Variants in B3GALT1 observed in about 807,000 individuals in gnomAD.
B3GALT1 encodes UDP-Gal:betaGlcNAc beta 1,3-galactosyltransferase, polypeptide 1.
B3GALT1 carries 10 observed loss-of-function variants against 23.2 expected under a neutral mutation model. The observed-to-expected ratio is 0.43, with a 90% CI of 0.27 to 0.73. The LOEUF (loss-of-function observed/expected upper bound fraction) is 0.73, where lower values mean the gene tolerates loss of function less well. B3GALT1 is among the 30% of genes least tolerant of loss of function. The pLI is 0.21. For synonymous variants in B3GALT1, 156 were observed against 141.5 expected, an observed-to-expected ratio of 1.10 and a Z score of -0.73; for missense variants, 299 against 405.4, an observed-to-expected ratio of 0.74 and a Z score of 2.25.
intron 2 of B3GALT1, among the ~76,000 whole-genome samples, chr2:167,524,751 A>G (rs1380699066): frequency 1.3e-5 from 2 of 152,214 alleles, no homozygotes; most frequent in African/African-American, 4.8e-5. Flanking sequence ...TTTGCAAGAG[A>G]GAGGCAGAGA....
intron 3 of B3GALT1, chr2:167,814,893 G>A (rs1688964520): frequency 1.3e-5 from 2 of 152,224 alleles, no homozygotes; most frequent in South Asian, 2.1e-4. Flanking sequence ...AGAACCCCTG[G>A]TTTCTAGCAT....
chr2:167,533,339 G>GT (rs34623419), intron 2 of B3GALT1, among the ~76,000 whole-genome samples: 57,346 of 151,080 alleles, frequency 0.38, 11,780 homozygotes, highest in East Asian at 0.81. Flanking sequence ...TTTTCTGAGA[G>GT]TTTTTTTTTA....
chr2:167,325,048 G>A (rs925516156), intron 1 of B3GALT1, among the ~76,000 whole-genome samples: 2 of 151,986 alleles, frequency 1.3e-5, no homozygotes, highest in Admixed American at 1.3e-4. Context: ...CAAATGACAC[G>A]ATTTCATTCT....
intron 2 of B3GALT1, among the ~76,000 whole-genome samples, chr2:167,556,339 A>C (rs778217796): frequency 2.0e-5 from 3 of 152,170 alleles, no homozygotes; most frequent in Non-Finnish European, 4.4e-5. Flanking sequence ...GGACTAAAGC[A>C]CTTTACAATA....
In B3GALT1 at chr2:167,526,973, A is replaced by C. The variant is rs1490589768; in HGVS notation, c.-410+36696A>C. Among the ~76,000 whole-genome samples the C allele has an allele frequency of 2.6e-5, 4 of 152,168 alleles. No homozygotes were observed. The East Asian group carries it at 7.7e-4, about 29-fold the overall frequency. On this transcript the variant is annotated intron_variant, in intron 2 of 4. Coordinates refer to ENST00000392690, the MANE Select transcript of B3GALT1 (RefSeq NM_020981.4). ...ATTTGCATTCAACTATATCACTAATATATACCGTATATACTGTTCCTAATT... is the reference window on the plus strand; with the variant it reads ...ATTTGCATTCAACTATATCACTAATCTATACCGTATATACTGTTCCTAATT...
intron 1 of B3GALT1, among the ~76,000 whole-genome samples, chr2:167,376,201 G>C (rs902364875): frequency 1.3e-5 from 2 of 152,264 alleles, no homozygotes; most frequent in Admixed American, 1.3e-4. Flanking sequence ...AAATCTACTT[G>C]ATCATTGTGA....
chr2:167,707,330 G>A (rs1421301711), intron 3 of B3GALT1, among the ~76,000 whole-genome samples: 1 of 151,958 alleles, frequency 6.6e-6, no homozygotes, highest in East Asian at 1.9e-4. Flanking sequence ...CAATAGATAA[G>A]TATTGACAGA....
chr2:167,580,639 C>G (rs1347763438), intron 2 of B3GALT1, among the ~76,000 whole-genome samples: 3 of 152,068 alleles, frequency 2.0e-5, no homozygotes, highest in African/African-American at 7.2e-5. Flanking sequence ...TATCAATAAG[C>G]TTTTGGAAAT....
chr2:167,519,627 A>G (rs1006496656), intron 2 of B3GALT1, among the ~76,000 whole-genome samples: 5 of 152,214 alleles, frequency 3.3e-5, no homozygotes, highest in Non-Finnish European at 7.3e-5. Context: ...TAATAACTCT[A>G]TAGCATTTTT....
At chr2:167,479,661 C>T (rs1020764620) in intron 1 of B3GALT1, among the ~76,000 whole-genome samples, 1 of 152,126 alleles carries the variant, frequency 6.6e-6, no homozygotes, top group Non-Finnish European at 1.5e-5. Context: ...CCTCCTATCT[C>T]AAAGTGATCC....
chr2:167,590,256 G>A (rs1264286204), intron 2 of B3GALT1, among the ~76,000 whole-genome samples: 1 of 148,898 alleles, frequency 6.7e-6, no homozygotes, highest in Non-Finnish European at 1.5e-5. Flanking sequence ...TGAAGCAGGA[G>A]AATGGTGTGA....
intron 1 of B3GALT1, among the ~76,000 whole-genome samples, chr2:167,476,864 C>T (rs571968005): frequency 1.3e-5 from 2 of 152,244 alleles, no homozygotes; most frequent in African/African-American, 4.8e-5. Context: ...AGGGGGATCA[C>T]CAAATGTGAA....
At chr2:167,694,094 A>G (rs1225977665) in intron 3 of B3GALT1, among the ~76,000 whole-genome samples, 4 of 152,070 alleles carry the variant, frequency 2.6e-5, no homozygotes, top group East Asian at 1.9e-4. Context: ...TTTGGCACCA[A>G]TCCCATTCAT....
At chr2:167,478,407 G>A (rs1163293311) in intron 1 of B3GALT1, among the ~76,000 whole-genome samples, 1 of 152,122 alleles carries the variant, frequency 6.6e-6, no homozygotes, top group Admixed American at 6.5e-5. Context: ...AGTCAGTTCC[G>A]TCAATCATTA....
intron 2 of B3GALT1, among the ~76,000 whole-genome samples, chr2:167,539,857 G>A (rs1265864254): frequency 2.0e-5 from 3 of 151,920 alleles, no homozygotes; most frequent in Admixed American, 6.6e-5. Flanking sequence ...TGGCTTTCTT[G>A]TAAGCTTTTA....
intron 3 of B3GALT1, among the ~76,000 whole-genome samples, chr2:167,737,195 A>T (rs1251391058): frequency 6.6e-6 from 1 of 152,236 alleles, no homozygotes; most frequent in African/African-American, 2.4e-5. Context: ...TTCGCCAGGC[A>T]TCATGCTAAG....
At chr2:167,825,712 G>GAAAT (rs1197456953) in intron 4 of B3GALT1, among the ~76,000 whole-genome samples, 1 of 152,050 alleles carries the variant, frequency 6.6e-6, no homozygotes, top group Non-Finnish European at 1.5e-5. Context: ...AGCTCCTGTA[G>GAAAT]AAATGAGAGA....
intron 2 of B3GALT1, among the ~76,000 whole-genome samples, chr2:167,561,303 G>A (rs889516123): frequency 2.0e-5 from 3 of 152,206 alleles, no homozygotes; most frequent in Non-Finnish European, 4.4e-5. Context: ...CACAGTCAGA[G>A]CAGTGTGTAG....
intron 3 of B3GALT1, among the ~76,000 whole-genome samples, chr2:167,655,449 A>C (rs959713071): frequency 6.6e-6 from 1 of 152,200 alleles, no homozygotes; most frequent in African/African-American, 2.4e-5. Context: ...TATCATGCAA[A>C]TTTCAAAATT....
Sources: allele counts gnomAD v4.1 joint callset (sites outside exome capture counted in the v4.1 genomes callset), GRCh38; gene constraint gnomAD v4.1.1; transcripts MANE v1.5; gene names NCBI Gene and HGNC (gene_info 2026-07-23, HGNC 2026-07-21).